GNAI1: variants seen among roughly 807,000 people sequenced by gnomAD.
GNAI1 encodes G protein subunit alpha i1, also known as guanine nucleotide-binding protein G(i) subunit alpha-1.
GNAI1 carries 11 observed loss-of-function variants against 38.9 expected under a neutral mutation model. The observed-to-expected ratio is 0.28, with a 90% CI of 0.18 to 0.47. The LOEUF is 0.47. Ranked by LOEUF, GNAI1 falls within the 20% of genes least tolerant of loss-of-function variation. The pLI is 0.99. For missense variants in GNAI1, 317 were observed against 436.9 expected, an observed-to-expected ratio of 0.73 and a Z score of 2.45; for synonymous variants, 166 against 145.1, an observed-to-expected ratio of 1.14 and a Z score of -1.04.
Position 80,175,681 on chromosome 7 carries a change from A to G in GNAI1, c.119-13270A>G, listed in dbSNP as rs185922440. Among the ~76,000 whole-genome samples, 207 of 152,070 alleles carry G rather than the reference A, an allele frequency of 1.4e-3. 1 individual carries two copies. Among genetic ancestry groups the G allele is most frequent in the African/African-American group, 4.8e-3 (201 of 41,452 alleles). The stretch of plus-strand genomic sequence containing the variant: ...GTGTCACATTTTGGTAGTTCTTACA[A>G]TATTTCAGATGTGATCTGGGATCAG... On this transcript the variant is annotated intron_variant, in intron 1 of 7. Coordinates refer to ENST00000649796, the MANE Select transcript of GNAI1 (RefSeq NM_002069.6).
Position 80,217,310 on chromosome 7 carries a change from C to A in GNAI1, c.882C>A (p.Asn294Lys). 6.5e-7 allele frequency: 1 copy of A among 1,548,236 alleles called. No homozygotes were observed. The highest frequency in any genetic ancestry group is 1.4e-5 in the African/African-American group (1 of 71,774). Reference sequence around the variant, plus strand: ...TTCCTTTTTCCATCTCAGGATCAAACACATATGAAGAGGCAGCTGCATATA... The same window carrying A: ...TTCCTTTTTCCATCTCAGGATCAAAAACATATGAAGAGGCAGCTGCATATA... ...TICYPEYAGS[N>K]TYEEAAAYIQ... The change falls in exon 8 of 8, where the codon AAC becomes AAA. Residue 294 changes from asparagine to lysine, a missense_variant. Physicochemically the swap from Asn to Lys is moderately conservative, Grantham distance 94. Coordinates refer to ENST00000649796, the MANE Select transcript of GNAI1 (RefSeq NM_002069.6).
In GNAI1 at chr7:80,203,767, C is replaced by T. The variant is rs1176369390; in HGVS notation, c.525C>T (p.Leu175=). 1.3e-6 allele frequency: 2 copies of T among 1,588,370 alleles called. No individual in the cohort carries two copies. The highest frequency in any genetic ancestry group is 1.7e-6 in the Non-Finnish European group (2 of 1,158,494). ...PNYIPTQQDV[L]RTRVKTTGIV... Reference sequence around the variant, plus strand: ...ACATCCCGACTCAACAAGATGTTCTCAGAACTAGAGTGAAAACTACAGGAA... The same window carrying T: ...ACATCCCGACTCAACAAGATGTTCTTAGAACTAGAGTGAAAACTACAGGAA... Residue 175 remains leucine, a synonymous_variant, in exon 5 of 8, where the codon CTC becomes CTT. Coordinates refer to ENST00000649796, the MANE Select transcript of GNAI1 (RefSeq NM_002069.6).
At chr7:80,135,440 T>C in intron 1 of GNAI1, 162 bp downstream of exon 1, 1 of 429,460 alleles carries the variant, frequency 2.3e-6, no homozygotes, top group Non-Finnish European at 4.0e-6. Context: ...CGGGTCCCCC[T>C]CTCCCGGTGT....
rs565567879 is a variant in GNAI1, at chr7:80,179,879, GTGTC to G, written c.119-9069_119-9066del. ...ATCACAATTTTTTAAAAATAAGTCA[GTGTC>G]TGACCTCTGTCCCAGAGGATATATT... is the stretch of plus-strand genomic sequence containing the variant. On this transcript the variant is annotated intron_variant, in intron 1 of 7. Transcript: ENST00000649796. Among the ~76,000 whole-genome samples, 282 of 152,284 alleles carry G rather than the reference GTGTC, an allele frequency of 1.9e-3. 1 individual carries two copies. The highest frequency in any genetic ancestry group is 2.5e-3 in the Non-Finnish European group (173 of 68,016).
At chr7:80,190,540 T>C (rs937114057) in intron 3 of GNAI1, among the ~76,000 whole-genome samples, 1 of 152,138 alleles carries the variant, frequency 6.6e-6, no homozygotes, top group Non-Finnish European at 1.5e-5. Context: ...AAAAGAACAT[T>C]ATAAATTATT....
At position 80,156,418 on chromosome 7, in the gene GNAI1, C is replaced by T. The variant is rs190113945; in HGVS notation, c.118+21140C>T. ...GTTATGTCATGTCATATCATGTCTA[C>T]CCTTATAAAGGAAAGCTTTTTTTTT... is the stretch of plus-strand genomic sequence containing the variant. On this transcript the variant is annotated intron_variant, in intron 1 of 7. Coordinates refer to ENST00000649796, the MANE Select transcript of GNAI1 (RefSeq NM_002069.6). 2.3e-3 allele frequency among the ~76,000 whole-genome samples: 349 copies of T among 152,152 alleles called. 4 individuals are homozygous for T. Among genetic ancestry groups the T allele is most frequent in the Non-Finnish European group, 1.0e-3 (70 of 67,998 alleles).
chr7:80,174,514 A>C (rs1788149744), intron 1 of GNAI1, among the ~76,000 whole-genome samples: 1 of 150,354 alleles, frequency 6.7e-6, no homozygotes, highest in Non-Finnish European at 1.5e-5. Context: ...ATTAAAGAAA[A>C]CTATAGTTTG....
At position 80,218,299 on chromosome 7, in the gene GNAI1, T is replaced by A. The variant is rs1269287935; in HGVS notation, c.*806T>A. On this transcript the variant is annotated 3_prime_UTR_variant, in exon 8 of 8. Transcript: ENST00000649796. The stretch of plus-strand genomic sequence containing the variant: ...TTGTACACACTTAGTTTTTATTCAC[T>A]TGTTTTCACTCTGAATTTTAATATT... 6.6e-6 allele frequency: 1 copy of A among 152,172 alleles called. No individual in the cohort carries two copies. Among genetic ancestry groups the A allele is most frequent in the East Asian group, 1.9e-4 (1 of 5,198 alleles). The allele number at this position is 152,172 out of a possible 1,614,324, so 9.4% of individuals were successfully genotyped here.
chr7:80,190,100 G>T (rs941739772), intron 3 of GNAI1, among the ~76,000 whole-genome samples: 9 of 151,784 alleles, frequency 5.9e-5, no homozygotes, highest in Non-Finnish European at 2.9e-5. Flanking sequence ...TGAAGATTTT[G>T]TGTATAGAGA....
chr7:80,155,537 A>C (rs1261615029), intron 1 of GNAI1, among the ~76,000 whole-genome samples: 2 of 152,200 alleles, frequency 1.3e-5, no homozygotes, highest in South Asian at 2.1e-4. Context: ...CTGTATGCTT[A>C]CCTTCCTTAA....
In GNAI1 at chr7:80,224,893, A is replaced by G. The variant is rs1347964113; in HGVS notation, c.*7400A>G. ...AATTCTACTTTTTTTTACATTTTTAATGTGGTTTTGGAAAATAGGTACTCA... is the reference window on the plus strand; with the variant it reads ...AATTCTACTTTTTTTTACATTTTTAGTGTGGTTTTGGAAAATAGGTACTCA... On this transcript the variant is annotated 3_prime_UTR_variant, in exon 8 of 8. Transcript: ENST00000649796. Among the ~76,000 whole-genome samples the G allele has an allele frequency of 1.3e-5, 2 of 152,106 alleles. No individual in the cohort carries two copies. Among genetic ancestry groups the G allele is most frequent in the Admixed American group, 6.5e-5 (1 of 15,276 alleles).
chr7:80,152,332 A>G (rs1361717788), intron 1 of GNAI1, among the ~76,000 whole-genome samples: 3 of 152,198 alleles, frequency 2.0e-5, no homozygotes, highest in Admixed American at 6.5e-5. Context: ...CACTAAGTAA[A>G]TATCTGTTGA....
At chr7:80,160,712 G>A (rs986644032) in intron 1 of GNAI1, among the ~76,000 whole-genome samples, 11 of 152,128 alleles carry the variant, frequency 7.2e-5, no homozygotes, top group Non-Finnish European at 1.2e-4. Context: ...TGTTGATGTA[G>A]TCCATTATGT....
At chr7:80,202,065 T>C (rs1788693501) in intron 4 of GNAI1, among the ~76,000 whole-genome samples, 1 of 152,112 alleles carries the variant, frequency 6.6e-6, no homozygotes, top group Non-Finnish European at 1.5e-5. Flanking sequence ...TTTTGAACTA[T>C]AGCAGTTTTT....
intron 7 of GNAI1, among the ~76,000 whole-genome samples, chr7:80,215,068 A>T (rs888963853): frequency 2.7e-4 from 41 of 151,904 alleles, no homozygotes; most frequent in African/African-American, 8.7e-4. Context: ...TTCCCTTTTG[A>T]TTGTGTCATC....
chr7:80,195,086 C>T (rs1357116207), intron 3 of GNAI1, among the ~76,000 whole-genome samples: 1 of 151,908 alleles, frequency 6.6e-6, no homozygotes, highest in Non-Finnish European at 1.5e-5. Context: ...TTTCACTTAT[C>T]TCACATTTCT....
At chr7:80,200,767 C>T (rs1788672668) in intron 4 of GNAI1, among the ~76,000 whole-genome samples, 2 of 145,170 alleles carry the variant, frequency 1.4e-5, no homozygotes, top group African/African-American at 2.7e-5. Context: ...TAACATTTTA[C>T]ACTTGTATTA....
intron 7 of GNAI1, among the ~76,000 whole-genome samples, chr7:80,214,043 A>G (rs1360833827): frequency 6.6e-6 from 1 of 152,072 alleles, no homozygotes; most frequent in Non-Finnish European, 1.5e-5. Context: ...CCAGTTCCAG[A>G]CCCAAGTCCA....
intron 1 of GNAI1, among the ~76,000 whole-genome samples, chr7:80,139,989 T>C (rs74519543): frequency 0.081 from 12,131 of 148,872 alleles, 572 homozygotes; most frequent in Non-Finnish European, 0.1. Flanking sequence ...TTTTTTTTTT[T>C]TTTTCCTTTT....
Sources: allele counts gnomAD v4.1 joint callset (sites outside exome capture counted in the v4.1 genomes callset), GRCh38; gene constraint gnomAD v4.1.1; transcripts MANE v1.5; gene names NCBI Gene and HGNC (gene_info 2026-07-23, HGNC 2026-07-21).